The following SLX4IP variants were observed in gnomAD, a reference collection of about 807,000 sequenced individuals.
SLX4IP encodes the protein SLX4 interacting protein.
SLX4IP carries 34 observed loss-of-function variants against 32.9 expected under a neutral mutation model. That is an observed-to-expected ratio of 1.03 (90% CI 0.79 to 1.38). SLX4IP has a LOEUF of 1.38. SLX4IP is among the 40% of genes most tolerant of loss of function. SLX4IP has a pLI of 0.00. For missense variants in SLX4IP, 444 were observed against 479.0 expected (o/e 0.93, Z 0.68); for synonymous variants, 172 against 171.7 (o/e 1.00, Z -0.01).
At chr20:10,456,632 C>T (rs1438111599) in intron 1 of SLX4IP, among the ~76,000 whole-genome samples, 1 of 152,198 alleles carries the variant, frequency 6.6e-6, no homozygotes, top group Admixed American at 6.5e-5. Flanking sequence ...TGAGCCACTG[C>T]GTCCAGCTGT....
intron 4 of SLX4IP, among the ~76,000 whole-genome samples, chr20:10,593,065 G>A (rs1600138180): frequency 6.6e-6 from 1 of 152,166 alleles, no homozygotes. Context: ...ACTGACTCAT[G>A]ACTTCAGACT....
chr20:10,455,857 A>ACCT, intron 1 of SLX4IP, among the ~76,000 whole-genome samples: 1 of 152,002 alleles, frequency 6.6e-6, no homozygotes, highest in Non-Finnish European at 1.5e-5. Flanking sequence ...GTGATTTGCT[A>ACCT]GCCTCGGCCT....
At chr20:10,578,146 G>A (rs2066542882) in intron 4 of SLX4IP, among the ~76,000 whole-genome samples, 1 of 152,082 alleles carries the variant, frequency 6.6e-6, no homozygotes, top group Non-Finnish European at 1.5e-5. Flanking sequence ...TATGTATTCA[G>A]AGTTGTGTAA....
At chr20:10,613,717 C>A (rs2066994325) in intron 6 of SLX4IP, 11 of 1,613,226 alleles carry the variant, frequency 6.8e-6, no homozygotes, top group Admixed American at 1.7e-5. Context: ...TCTCCGGCGT[C>A]AATAGCTTGC....
intron 4 of SLX4IP, among the ~76,000 whole-genome samples, chr20:10,584,204 A>G (rs1053743332): frequency 6.6e-6 from 1 of 152,234 alleles, no homozygotes; most frequent in Admixed American, 6.5e-5. Context: ...CAAAGAAGGC[A>G]TGAGACCGGT....
At chr20:10,500,613 G>T (rs1008996324) in intron 2 of SLX4IP, among the ~76,000 whole-genome samples, 3 of 152,010 alleles carry the variant, frequency 2.0e-5, no homozygotes. Context: ...TTAACCATGC[G>T]TGGTGGTGCA....
At chr20:10,530,444 G>A (rs1362171399) in intron 2 of SLX4IP, among the ~76,000 whole-genome samples, 1 of 152,176 alleles carries the variant, frequency 6.6e-6, no homozygotes, top group East Asian at 1.9e-4. Context: ...GAAGTTAAGA[G>A]CATCAGAGGG....
At chr20:10,605,536 C>CT in intron 6 of SLX4IP, among the ~76,000 whole-genome samples, 1 of 152,162 alleles carries the variant, frequency 6.6e-6, no homozygotes, top group African/African-American at 2.4e-5. Context: ...GAAGGAAAGT[C>CT]CAAAATCCCC....
intron 4 of SLX4IP, among the ~76,000 whole-genome samples, chr20:10,597,264 G>T (rs1322458066): frequency 6.6e-6 from 1 of 152,224 alleles, no homozygotes; most frequent in Non-Finnish European, 1.5e-5. Flanking sequence ...TTGACAGAGG[G>T]GGACCCTCAC....
intron 4 of SLX4IP, among the ~76,000 whole-genome samples, chr20:10,593,757 T>C (rs776932300): frequency 1.6e-4 from 24 of 152,084 alleles, no homozygotes; most frequent in Non-Finnish European, 3.1e-4. Flanking sequence ...AAATGTAGAA[T>C]GGGGTTGTTC....
chr20:10,500,647 A>G (rs2065710373), intron 2 of SLX4IP, among the ~76,000 whole-genome samples: 1 of 152,142 alleles, frequency 6.6e-6, no homozygotes, highest in African/African-American at 2.4e-5. Context: ...AGCTACTAGG[A>G]AAGCCGAGGT....
chr20:10,573,530 G>C (rs140095270), intron 4 of SLX4IP, among the ~76,000 whole-genome samples: 30 of 152,344 alleles, frequency 2.0e-4, no homozygotes, highest in African/African-American at 7.2e-4. Flanking sequence ...CAGTAGGAAT[G>C]GAACTGTACC....
chr20:10,441,358 C>T (rs897400977), intron 1 of SLX4IP, among the ~76,000 whole-genome samples: 1 of 152,130 alleles, frequency 6.6e-6, no homozygotes, highest in Non-Finnish European at 1.5e-5. Context: ...ATCACTTGAA[C>T]CTGGGGAGGT....
At chr20:10,536,294 G>A (rs1435929173) in intron 2 of SLX4IP, among the ~76,000 whole-genome samples, 1 of 151,948 alleles carries the variant, frequency 6.6e-6, no homozygotes, top group Non-Finnish European at 1.5e-5. Flanking sequence ...TTGGGAGGCT[G>A]AGGCAGGAGG....
Position 10,571,032 on chromosome 20 carries a change from G to A in SLX4IP, c.238+10212G>A, listed in dbSNP as rs550593241. 3.9e-5 allele frequency among the ~76,000 whole-genome samples: 6 copies of A among 151,910 alleles called. No individual in the cohort carries two copies. In the South Asian group the frequency reaches 6.2e-4, roughly 16 times the overall value. On this transcript the variant is annotated intron_variant, in intron 4 of 7. Coordinates refer to ENST00000334534, the MANE Select transcript of SLX4IP (RefSeq NM_001009608.3). ...AAATTTTGCAGAGATGGAGTCTCAC[G>A]ATGTTGGCCAGACTGGTCTAGAACT...
At chr20:10,545,002 A>G (rs541467328) in intron 2 of SLX4IP, among the ~76,000 whole-genome samples, 1 of 152,180 alleles carries the variant, frequency 6.6e-6, no homozygotes, top group South Asian at 2.1e-4. Context: ...AAAACACCGG[A>G]TCCTGGGCCC....
At chr20:10,521,010 T>G (rs1265487510) in intron 2 of SLX4IP, among the ~76,000 whole-genome samples, 2 of 152,226 alleles carry the variant, frequency 1.3e-5, no homozygotes, top group African/African-American at 4.8e-5. Context: ...TATTTAATTT[T>G]GACACATTTT....
intron 1 of SLX4IP, among the ~76,000 whole-genome samples, chr20:10,438,216 CT>C (rs34236396): frequency 1.2e-3 from 167 of 141,132 alleles, no homozygotes; most frequent in Admixed American, 1.9e-3. Context: ...TGGAAGAGGC[CT>C]TTTTTTTTTT....
At chr20:10,610,239 T>C (rs2066950285) in intron 6 of SLX4IP, among the ~76,000 whole-genome samples, 1 of 152,216 alleles carries the variant, frequency 6.6e-6, no homozygotes, top group South Asian at 2.1e-4. Flanking sequence ...TTTAGGGTGA[T>C]ACTGTTTGCA....
Sources: allele counts gnomAD v4.1 joint callset (sites outside exome capture counted in the v4.1 genomes callset), GRCh38; gene constraint gnomAD v4.1.1; transcripts MANE v1.5; gene names NCBI Gene and HGNC (gene_info 2026-07-23, HGNC 2026-07-21).